Variants in TTBK2 observed in about 807,000 individuals in gnomAD.
The protein encoded by TTBK2 is tau tubulin kinase 2.
A neutral mutation model predicts 110.8 loss-of-function variants in TTBK2; 28 were observed. The observed-to-expected ratio is 0.25, with a 90% CI of 0.19 to 0.35. The LOEUF is 0.35. Ranked by LOEUF, TTBK2 falls within the 10% of genes least tolerant of loss-of-function variation. TTBK2 has a pLI of 1.00. For missense variants in TTBK2, 1,369 were observed against 1,500.3 expected, an observed-to-expected ratio of 0.91 and a Z score of 1.45; for synonymous variants, 532 against 527.3, an observed-to-expected ratio of 1.01 and a Z score of -0.12.
At chr15:42,777,545 AG>A (rs1889987802) in intron 11 of TTBK2, among the ~76,000 whole-genome samples, 1 of 152,240 alleles carries the variant, frequency 6.6e-6, no homozygotes, top group South Asian at 2.1e-4. Context: ...TGAGGCTTGT[AG>A]TATCCCATTC....
chr15:42,782,041 T>TAAGGAGAA (rs991307408), intron 11 of TTBK2, among the ~76,000 whole-genome samples: 3 of 152,150 alleles, frequency 2.0e-5, no homozygotes, highest in Admixed American at 1.3e-4. Flanking sequence ...CCTAAAGTTA[T>TAAGGAGAA]AAGCTCTATC....
At chr15:42,845,989 GACC>G (rs1337664135) in intron 3 of TTBK2, among the ~76,000 whole-genome samples, 4 of 151,902 alleles carry the variant, frequency 2.6e-5, no homozygotes, top group Non-Finnish European at 5.9e-5. Flanking sequence ...AATCTTATAG[GACC>G]ACCGTCTGTC....
chr15:42,893,155 T>C (rs921213573), intron 1 of TTBK2, among the ~76,000 whole-genome samples: 1 of 151,996 alleles, frequency 6.6e-6, no homozygotes, highest in Non-Finnish European at 1.5e-5. Context: ...ACATATGATA[T>C]GCAGCTAAAG....
At chr15:42,797,813 A>G (rs192739271) in intron 9 of TTBK2, among the ~76,000 whole-genome samples, 4 of 151,824 alleles carry the variant, frequency 2.6e-5, no homozygotes, top group East Asian at 3.9e-4. Context: ...ATGTCTGTGT[A>G]TATATATATA....
intron 3 of TTBK2, among the ~76,000 whole-genome samples, chr15:42,850,290 CTT>C (rs1388810371): frequency 6.6e-6 from 1 of 152,224 alleles, no homozygotes; most frequent in Admixed American, 6.5e-5. Flanking sequence ...AACTAGAAGA[CTT>C]CTCTCGACGC....
At chr15:42,763,278 A>C (rs1595887016) in intron 13 of TTBK2, among the ~76,000 whole-genome samples, 1 of 117,842 alleles carries the variant, frequency 8.5e-6, no homozygotes, top group East Asian at 3.1e-4. Flanking sequence ...ACAGAGTGCG[A>C]TCTTTGCTCA....
chr15:42,919,512 A>G (rs1036428150), intron 1 of TTBK2, among the ~76,000 whole-genome samples: 3 of 152,212 alleles, frequency 2.0e-5, no homozygotes, highest in African/African-American at 7.2e-5. Flanking sequence ...CACTGAGTGG[A>G]TCCTCCCTCT....
In TTBK2 at chr15:42,918,462, A is replaced by C. The variant is rs182663081; in HGVS notation, c.-68+1976T>G. ...TGGCTCAGAGTCTCTCATGAGTTGCAATCAAGCAGTCATCTGGATATGTTA... is the reference window on the plus strand; with the variant it reads ...TGGCTCAGAGTCTCTCATGAGTTGCCATCAAGCAGTCATCTGGATATGTTA... On this transcript the variant is annotated intron_variant, in intron 1 of 14. Transcript: ENST00000267890. 3.8e-4 allele frequency among the ~76,000 whole-genome samples: 58 copies of C among 152,300 alleles called. 2 individuals carry two copies. The East Asian group carries it at 7.1e-3, about 19-fold the overall frequency.
intron 6 of TTBK2, among the ~76,000 whole-genome samples, chr15:42,824,167 C>T (rs549835488): frequency 2.0e-4 from 31 of 152,268 alleles, no homozygotes; most frequent in Middle Eastern, 3.4e-3. Context: ...ATCCATCCCA[C>T]GACCCAAACC....
chr15:42,810,853 T>G, intron 8 of TTBK2, 114 bp from the exon 9 acceptor site: 1 of 1,256,864 alleles, frequency 8.0e-7, no homozygotes, highest in Non-Finnish European at 1.1e-6. Context: ...AGTGGGTAAT[T>G]AAGCATAAAG....
intron 2 of TTBK2, among the ~76,000 whole-genome samples, chr15:42,875,871 A>C (rs1894798554): frequency 7.3e-6 from 1 of 137,630 alleles, no homozygotes; most frequent in East Asian, 2.2e-4. Context: ...ACGCCTCTGC[A>C]CTCCAGCCTG....
chr15:42,829,995 A>C lies in TTBK2; in HGVS notation c.375T>G (p.Ile125Met), dbSNP rs1297571240. 6.2e-7 allele frequency: 1 copy of C among 1,613,902 alleles called. No homozygotes were observed. Among genetic ancestry groups the C allele is most frequent in the Non-Finnish European group, 8.5e-7 (1 of 1,180,012 alleles). Residue 125 changes from isoleucine (I) to methionine (M), a missense_variant, in exon 5 of 15, where the codon ATT (isoleucine) becomes ATG (methionine). This residue lies in a region of TTBK2 where 122 missense variants were observed against 159.7 expected (regional missense o/e 0.76). Transcript: ENST00000267890. ...ISTTLRLGRQ[I>M]LESIESIHSV... ...AATGAATGCTTTCAATAGACTCCAA[A>C]ATCTGTCTACCCAGCCGGAGAGTGG... is the stretch of plus-strand genomic sequence containing the variant.
At chr15:42,897,200 C>T (rs1895700673) in intron 1 of TTBK2, among the ~76,000 whole-genome samples, 1 of 151,936 alleles carries the variant, frequency 6.6e-6, no homozygotes. Flanking sequence ...AATACAGTAA[C>T]TATCAATAGA....
intron 1 of TTBK2, among the ~76,000 whole-genome samples, chr15:42,907,828 C>T (rs892731631): frequency 2.0e-5 from 3 of 151,360 alleles, no homozygotes; most frequent in Non-Finnish European, 4.4e-5. Flanking sequence ...AAATTCAGCA[C>T]TTTCAGAGGC....
chr15:42,887,227 C>T (rs1229562753), intron 1 of TTBK2, among the ~76,000 whole-genome samples: 4 of 152,186 alleles, frequency 2.6e-5, no homozygotes, highest in African/African-American at 9.7e-5. Context: ...GCCCAGCTCC[C>T]TTATTAGGTC....
chr15:42,801,466 C>A (rs1423434075), intron 9 of TTBK2: 1 of 801,732 alleles, frequency 1.2e-6, no homozygotes. Context: ...CAGCTTGGAG[C>A]CAGCTGATGT....
intron 2 of TTBK2, among the ~76,000 whole-genome samples, chr15:42,874,563 C>T (rs924793058): frequency 8.6e-5 from 13 of 151,818 alleles, no homozygotes; most frequent in African/African-American, 3.1e-4. Flanking sequence ...GTGATCCACC[C>T]ACCTCTGCCT....
chr15:42,832,741 A>G (rs2140993469), intron 4 of TTBK2, among the ~76,000 whole-genome samples: 1 of 152,300 alleles, frequency 6.6e-6, no homozygotes, highest in East Asian at 1.9e-4. Flanking sequence ...CGTCAGGCCC[A>G]GGACGTGAAT....
intron 1 of TTBK2, among the ~76,000 whole-genome samples, chr15:42,917,594 T>C (rs529100985): frequency 1.3e-3 from 199 of 152,124 alleles, no homozygotes; most frequent in African/African-American, 4.7e-3. Context: ...ACTTGAAAGC[T>C]TTCAGTACTT....
Sources: gnomAD v4.1 joint callset for allele counts (sites outside exome capture counted in the v4.1 genomes callset) on GRCh38, gnomAD v4.1.1 for gene constraint, gnomAD v4.1.1 regional missense constraint, MANE v1.5 for transcripts, NCBI Gene and HGNC (gene_info 2026-07-23, HGNC 2026-07-21) for gene names.